Variants in EIF2S1 observed in about 807,000 individuals in gnomAD.
The protein encoded by EIF2S1 is eukaryotic translation initiation factor 2 subunit 1.
In EIF2S1, 5 loss-of-function variants were observed where a neutral mutation model predicts 33.5. The observed-to-expected ratio is 0.15, with a 90% CI of 0.08 to 0.31. The LOEUF (loss-of-function observed/expected upper bound fraction) is 0.31, where lower values mean the gene tolerates loss of function less well. Among genes scored for constraint, EIF2S1 ranks in the 10% least tolerant of loss-of-function variants. The pLI is 1.00. For synonymous variants in EIF2S1, 99 were observed against 127.5 expected, an observed-to-expected ratio of 0.78 and a Z score of 1.51; for missense variants, 191 against 384.6, an observed-to-expected ratio of 0.50 and a Z score of 4.21.
At chr14:67,368,668 T>A (rs1444059569) in intron 2 of EIF2S1, among the ~76,000 whole-genome samples, 1 of 151,978 alleles carries the variant, frequency 6.6e-6, no homozygotes, top group African/African-American at 2.4e-5. Context: ...TAACGATTCT[T>A]ACATTTTATG....
At chr14:67,375,887 A>G (rs886364590) in intron 3 of EIF2S1, among the ~76,000 whole-genome samples, 2 of 152,220 alleles carry the variant, frequency 1.3e-5, no homozygotes, top group Non-Finnish European at 1.5e-5. Flanking sequence ...GTGTGTTAAT[A>G]GATCTTATTG....
intron 1 of EIF2S1, chr14:67,364,396 T>G (rs2141127081): frequency 6.1e-6 from 1 of 164,660 alleles, no homozygotes; most frequent in East Asian, 1.8e-4. Context: ...GTTTTCTGAT[T>G]AGTTATAATA....
intron 1 of EIF2S1, chr14:67,360,883 C>T (rs796500537): frequency 2.6e-5 from 4 of 152,284 alleles, no homozygotes; most frequent in African/African-American, 7.2e-5. Context: ...CAAAAATTTC[C>T]CCTGCGTCTC....
chr14:67,380,191 G>C (rs1303040689), intron 4 of EIF2S1, among the ~76,000 whole-genome samples: 1 of 152,160 alleles, frequency 6.6e-6, no homozygotes, highest in African/African-American at 2.4e-5. Context: ...CCTGGTCCCT[G>C]TCCTGTGGCA....
rs142262031 is a variant in EIF2S1, at chr14:67,383,419, G to A, written c.927G>A (p.Met309Ile). ...ATGGAGATGATGATGCAGAAGAAAT[G>A]GAAGCCAAAGCTGAAGATTAACTTT... ...EVDGDDDAEE[M>I]EAKAED The change falls in exon 8 of 8, where the codon ATG becomes ATA. Residue 309 changes from methionine (M) to isoleucine (I), a missense_variant. Physicochemically the swap from Met to Ile is conservative, Grantham distance 10. Transcript: ENST00000256383. 25 of 1,613,320 alleles carry A rather than the reference G, an allele frequency of 1.5e-5. No individual in the cohort carries two copies. The highest frequency in any genetic ancestry group is 8.5e-7 in the Non-Finnish European group (1 of 1,179,560).
At chr14:67,370,335 A>G (rs1366323244) in intron 2 of EIF2S1, among the ~76,000 whole-genome samples, 1 of 152,270 alleles carries the variant, frequency 6.6e-6, no homozygotes, top group African/African-American at 2.4e-5. Flanking sequence ...CCCAACACAA[A>G]GTAAGTAGAA....
At chr14:67,363,139 C>T (rs1211440342) in intron 1 of EIF2S1, among the ~76,000 whole-genome samples, 3 of 151,972 alleles carry the variant, frequency 2.0e-5, no homozygotes, top group Admixed American at 6.6e-5. Flanking sequence ...TTTTTATGCC[C>T]AATTTGAAAC....
chr14:67,365,385 G>A (rs2085768748), intron 2 of EIF2S1, among the ~76,000 whole-genome samples: 1 of 152,218 alleles, frequency 6.6e-6, no homozygotes, highest in Non-Finnish European at 1.5e-5. Flanking sequence ...AAATAGTAAT[G>A]AGATCACTGG....
chr14:67,373,901 A>T (rs1341242294), intron 2 of EIF2S1, among the ~76,000 whole-genome samples: 1 of 151,684 alleles, frequency 6.6e-6, no homozygotes. Context: ...CTCTTTCCTT[A>T]AACTAAATGA....
At chr14:67,376,125 T>C (rs1275539941) in intron 3 of EIF2S1, among the ~76,000 whole-genome samples, 2 of 150,630 alleles carry the variant, frequency 1.3e-5, no homozygotes, top group Non-Finnish European at 2.9e-5. Flanking sequence ...GTTTTCCATT[T>C]ATAGTGTGTG....
At chr14:67,382,239 C>T (rs542952775) in intron 6 of EIF2S1, among the ~76,000 whole-genome samples, 1 of 151,628 alleles carries the variant, frequency 6.6e-6, no homozygotes, top group Non-Finnish European at 1.5e-5. Context: ...GCATTAGATC[C>T]CTGTGTTGAT....
At chr14:67,360,558 T>A (rs2085728593) in intron 1 of EIF2S1, 102 bp downstream of exon 1, 1 of 212,430 alleles carries the variant, frequency 4.7e-6, no homozygotes, top group Non-Finnish European at 9.2e-6. Context: ...TACCTCCCTT[T>A]CCCGTCCCTG....
At chr14:67,369,577 T>C (rs939023758) in intron 2 of EIF2S1, among the ~76,000 whole-genome samples, 1 of 152,160 alleles carries the variant, frequency 6.6e-6, no homozygotes, top group African/African-American at 2.4e-5. Flanking sequence ...AGCTATAATA[T>C]TAATACAACT....
intron 4 of EIF2S1, among the ~76,000 whole-genome samples, chr14:67,379,321 TCTC>T (rs2141148269): frequency 6.6e-6 from 1 of 152,360 alleles, no homozygotes; most frequent in African/African-American, 2.4e-5. Flanking sequence ...TCTGATTTTT[TCTC>T]CTTTTTCTAG....
intron 4 of EIF2S1, among the ~76,000 whole-genome samples, chr14:67,377,912 A>G (rs72719116): frequency 0.03 from 4,588 of 151,794 alleles, 85 homozygotes; most frequent in Non-Finnish European, 0.036. Flanking sequence ...GTTGGAGACC[A>G]TCCTGGGCAG....
chr14:67,380,080 A>T (rs896963987), intron 4 of EIF2S1, among the ~76,000 whole-genome samples: 6 of 152,046 alleles, frequency 3.9e-5, no homozygotes, highest in Non-Finnish European at 7.4e-5. Context: ...ACTTTTTTAC[A>T]ATAGTTCTAC....
chr14:67,381,680 T>G lies in EIF2S1; in HGVS notation c.668T>G (p.Met223Arg). 1 of 1,612,686 alleles carries G rather than the reference T, an allele frequency of 6.2e-7. No homozygotes were observed. Among genetic ancestry groups the G allele is most frequent in the Non-Finnish European group, 8.5e-7 (1 of 1,179,000 alleles). ...RAGLNCSTEN[M>R]PIKINLIAPP... is the part of the protein sequence containing the mutation. ...GGTTTGAATTGTTCTACAGAAAACA[T>G]GCCCATTAAGGTGAGTCATGAGTTG... The change falls in exon 6 of 8, where the codon ATG (methionine) becomes AGG (arginine). Residue 223 changes from methionine (M) to arginine (R), a missense_variant. Coordinates refer to ENST00000256383, the MANE Select transcript of EIF2S1 (RefSeq NM_004094.5).
chr14:67,365,776 A>T (rs959746997), intron 2 of EIF2S1, among the ~76,000 whole-genome samples: 1 of 152,008 alleles, frequency 6.6e-6, no homozygotes, highest in Non-Finnish European at 1.5e-5. Context: ...GATTCAACTT[A>T]CCCTTCTGAA....
chr14:67,376,544 A>C lies in EIF2S1; in HGVS notation c.427A>C (p.Lys143Gln). ...RTAWVFDDKY[K>Q]RPGYGAYDAF... ...TGCCTGGGTCTTTGATGACAAGTAC[A>C]AGAGACCTGGATATGGTGCCTATGA... is the stretch of plus-strand genomic sequence containing the variant. Residue 143 changes from lysine (K) to glutamine (Q), a missense_variant, in exon 4 of 8, where the codon AAG becomes CAG. Coordinates refer to ENST00000256383, the MANE Select transcript of EIF2S1 (RefSeq NM_004094.5). The C allele has an allele frequency of 6.2e-7, 1 of 1,614,124 alleles. No individual in the cohort carries two copies. The highest frequency in any genetic ancestry group is 8.5e-7 in the Non-Finnish European group (1 of 1,180,004).
Sources: gnomAD v4.1 joint callset for allele counts (sites outside exome capture counted in the v4.1 genomes callset) on GRCh38, gnomAD v4.1.1 for gene constraint, MANE v1.5 for transcripts, NCBI Gene and HGNC (gene_info 2026-07-23, HGNC 2026-07-21) for gene names.